PCDH15: variants seen among roughly 807,000 people sequenced by gnomAD.
PCDH15 encodes protocadherin related 15.
Under a neutral mutation model 178.5 loss-of-function variants are expected in PCDH15, and 129 were observed. The ratio of observed to expected loss-of-function variants is 0.72; its 90% CI spans 0.63 to 0.84. The LOEUF (loss-of-function observed/expected upper bound fraction) is 0.84, where lower values mean the gene tolerates loss of function less well. Ranked by LOEUF, PCDH15 falls within the 40% of genes least tolerant of loss-of-function variation. The pLI, the probability that PCDH15 is intolerant of heterozygous loss-of-function variation, is 0.00. For synonymous variants in PCDH15, 800 were observed against 732.0 expected (o/e 1.09, Z -1.50); for missense variants, 2,230 against 2,099.9 (o/e 1.06, Z -1.21).
chr10:55,499,074 T>C (rs1840596747), intron 2 of PCDH15, among the ~76,000 whole-genome samples: 1 of 151,808 alleles, frequency 6.6e-6, no homozygotes. Context: ...TTCCAAACAA[T>C]TGGTGAGATT....
intron 2 of PCDH15, among the ~76,000 whole-genome samples, chr10:55,412,427 G>T (rs1160872865): frequency 6.6e-6 from 1 of 151,970 alleles, no homozygotes; most frequent in African/African-American, 2.4e-5. Flanking sequence ...ACAAAAGCAT[G>T]CCTGCATATG....
chr10:54,564,047 A>G (rs1590138541), intron 2 of PCDH15, among the ~76,000 whole-genome samples: 1 of 152,174 alleles, frequency 6.6e-6, no homozygotes, highest in Admixed American at 6.6e-5. Flanking sequence ...GCTGTTGCCT[A>G]GTTCTAAATT....
At chr10:55,090,678 A>G (rs1431915774) in intron 2 of PCDH15, among the ~76,000 whole-genome samples, 1 of 152,074 alleles carries the variant, frequency 6.6e-6, no homozygotes, top group Non-Finnish European at 1.5e-5. Flanking sequence ...ACTTCAGCAC[A>G]TATATCAACA....
At chr10:54,298,496 T>G (rs2133204125) in intron 8 of PCDH15, among the ~76,000 whole-genome samples, 2 of 152,282 alleles carry the variant, frequency 1.3e-5, no homozygotes, top group African/African-American at 4.8e-5. Flanking sequence ...GTGGGGCTTG[T>G]TACCAGTGTG....
rs114080820 is a variant in PCDH15 at position 55,293,252 on chromosome 10, C to T, written c.-156+26347G>A. Among the ~76,000 whole-genome samples, 1,480 of 152,246 alleles carry T rather than the reference C, an allele frequency of 9.7e-3. 24 individuals carry two copies. The highest frequency in any genetic ancestry group is 0.032 in the African/African-American group (1,348 of 41,532). Reference sequence around the variant, plus strand: ...GCCAGAGAAGCTGTGACACAGAGCACCAAGTCACTAGGTTGCACATAGCAT... The same window carrying T: ...GCCAGAGAAGCTGTGACACAGAGCATCAAGTCACTAGGTTGCACATAGCAT... On this transcript the variant is annotated intron_variant, in intron 1 of 5. Transcript: ENST00000458638.
At chr10:54,421,808 TA>T (rs1955418278) in intron 3 of PCDH15, among the ~76,000 whole-genome samples, 3 of 91,352 alleles carry the variant, frequency 3.3e-5, no homozygotes, top group African/African-American at 1.5e-4. Context: ...GGTACATGTG[TA>T]GTGTGTGTAT....
At chr10:53,977,631 A>T (rs1251490321) in intron 21 of PCDH15, among the ~76,000 whole-genome samples, 1 of 152,154 alleles carries the variant, frequency 6.6e-6, no homozygotes, top group South Asian at 2.1e-4. Context: ...TCAAAACACA[A>T]TCATGCCTTC....
At chr10:54,347,821 A>T (rs1489309895) in intron 5 of PCDH15, among the ~76,000 whole-genome samples, 2 of 152,014 alleles carry the variant, frequency 1.3e-5, no homozygotes, top group South Asian at 4.1e-4. Context: ...AAATATCTTG[A>T]TGCTAAGATT....
intron 2 of PCDH15, among the ~76,000 whole-genome samples, chr10:55,127,564 T>C (rs1394253951): frequency 6.6e-6 from 1 of 152,088 alleles, no homozygotes; most frequent in Non-Finnish European, 1.5e-5. Context: ...GTAGGACCCA[T>C]TGAAAAGACT....
intron 3 of PCDH15, among the ~76,000 whole-genome samples, chr10:54,871,148 G>T (rs1306958016): frequency 6.6e-6 from 1 of 152,066 alleles, no homozygotes; most frequent in African/African-American, 2.4e-5. Flanking sequence ...AGGGATTCCT[G>T]AATTAAATCT....
intron 1 of PCDH15, among the ~76,000 whole-genome samples, chr10:54,730,259 G>A (rs1428799599): frequency 6.6e-6 from 1 of 151,580 alleles, no homozygotes; most frequent in East Asian, 1.9e-4. Context: ...CAACGTGGAT[G>A]GAACTGGAGG....
At chr10:54,383,985 ATT>A (rs59756150) in intron 3 of PCDH15, among the ~76,000 whole-genome samples, 395 of 129,064 alleles carry the variant, frequency 3.1e-3, no homozygotes, top group African/African-American at 0.011. Flanking sequence ...CAAACAGTTA[ATT>A]TTTTTTTTTT....
At chr10:55,341,785 ATATATATATATATATATATATTTT>A (rs1384992492) in intron 2 of PCDH15, among the ~76,000 whole-genome samples, 2 of 21,464 alleles carry the variant, frequency 9.3e-5, no homozygotes, top group African/African-American at 2.6e-4. Flanking sequence ...ATATATATAT[ATATATATATATATATATATATTTT>A]TTTTTTTTTT....
chr10:54,048,368 ATATTT>A (rs1206337602), intron 18 of PCDH15, among the ~76,000 whole-genome samples: 4 of 152,146 alleles, frequency 2.6e-5, no homozygotes, highest in Middle Eastern at 3.4e-3. Context: ...TACTCTGTTG[ATATTT>A]TATTTTGCTT....
intron 2 of PCDH15, among the ~76,000 whole-genome samples, chr10:55,439,118 T>C (rs1839118363): frequency 6.6e-6 from 1 of 152,050 alleles, no homozygotes. Flanking sequence ...TTAGCCAAGA[T>C]GGTCTCGATC....
At chr10:53,832,355 A>AT (rs1261722381) in intron 29 of PCDH15, among the ~76,000 whole-genome samples, 2 of 151,958 alleles carry the variant, frequency 1.3e-5, no homozygotes, top group African/African-American at 4.8e-5. Flanking sequence ...TTAGCAGGTG[A>AT]TTTTTTAAAC....
At chr10:54,236,380 C>T (rs1005352437) in intron 9 of PCDH15, among the ~76,000 whole-genome samples, 8 of 148,084 alleles carry the variant, frequency 5.4e-5, no homozygotes, top group Non-Finnish European at 9.0e-5. Flanking sequence ...GCTCTCTCAC[C>T]TTTTTTTTTT....
At chr10:53,915,918 C>T (rs776077104) in intron 25 of PCDH15, among the ~76,000 whole-genome samples, 55 of 152,108 alleles carry the variant, frequency 3.6e-4, no homozygotes, top group Admixed American at 1.8e-3. Context: ...AAAATGACAA[C>T]ACTGACACTT....
At chr10:55,175,058 T>C (rs1036758198) in intron 1 of PCDH15, among the ~76,000 whole-genome samples, 14 of 151,728 alleles carry the variant, frequency 9.2e-5, no homozygotes, top group African/African-American at 3.4e-4. Flanking sequence ...GTTTTCCATA[T>C]AGTGCCAAGA....
Sources: allele counts gnomAD v4.1 joint callset (sites outside exome capture counted in the v4.1 genomes callset), GRCh38; gene constraint gnomAD v4.1.1; transcripts MANE v1.5; gene names NCBI Gene and HGNC (gene_info 2026-07-23, HGNC 2026-07-21).